The following VIPR2 variants were observed in gnomAD, a reference collection of about 807,000 sequenced individuals.
VIPR2 encodes the protein vasoactive intestinal peptide receptor 2, also known as vasoactive intestinal polypeptide receptor 2.
In VIPR2, 48 loss-of-function variants were observed where a neutral mutation model predicts 58.0. The observed-to-expected ratio is 0.83, with a 90% CI of 0.66 to 1.05. The LOEUF is 1.05. VIPR2 is among the 50% of genes least tolerant of loss of function. The probability of loss-of-function intolerance (pLI) is 0.00; values close to 1 mark genes in which losing one functional copy is unlikely to be tolerated. For missense variants in VIPR2, 534 were observed against 558.0 expected (o/e 0.96, Z 0.43); for synonymous variants, 243 against 235.2 (o/e 1.03, Z -0.30).
At chr7:159,091,309 G>A (rs185425593) in intron 4 of VIPR2, among the ~76,000 whole-genome samples, 275 of 152,336 alleles carry the variant, frequency 1.8e-3, no homozygotes, top group African/African-American at 6.2e-3. Flanking sequence ...ATGAGTCTGC[G>A]GCTGCCCCTT....
intron 4 of VIPR2, among the ~76,000 whole-genome samples, chr7:159,100,880 A>G (rs1438096984): frequency 6.7e-6 from 1 of 149,802 alleles, no homozygotes; most frequent in Non-Finnish European, 1.5e-5. Context: ...AATGGGTCTC[A>G]CGAGATCCGA....
intron 10 of VIPR2, among the ~76,000 whole-genome samples, chr7:159,032,502 G>T (rs369134048): frequency 6.6e-6 from 1 of 152,176 alleles, no homozygotes; most frequent in East Asian, 1.9e-4. Context: ...TCCTGCTCCC[G>T]GACCTGCAGC....
At chr7:159,046,022 C>A (rs1854628087) in intron 5 of VIPR2, among the ~76,000 whole-genome samples, 1 of 151,882 alleles carries the variant, frequency 6.6e-6, no homozygotes, top group African/African-American at 2.4e-5. Flanking sequence ...GACTTCATTG[C>A]ATACCACTAG....
chr7:159,041,230 C>T (rs955386288), intron 6 of VIPR2, among the ~76,000 whole-genome samples: 12 of 152,238 alleles, frequency 7.9e-5, no homozygotes, highest in Admixed American at 3.3e-4. Flanking sequence ...GGAGGCCAGG[C>T]CCTCCCGGTG....
Position 159,078,577 on chromosome 7 carries a change from G to A in VIPR2, c.358-19999C>T, listed in dbSNP as rs35039662. Reference sequence around the variant, plus strand: ...TTAGTTTATTGGAAAAGATGCCAACGAAAGTCTGCATTTGAGTCTTGTTGG... The same window carrying A: ...TTAGTTTATTGGAAAAGATGCCAACAAAAGTCTGCATTTGAGTCTTGTTGG... On this transcript the variant is annotated intron_variant, in intron 4 of 12. Coordinates refer to ENST00000262178, the MANE Select transcript of VIPR2 (RefSeq NM_003382.5). 1.0e-3 allele frequency among the ~76,000 whole-genome samples: 158 copies of A among 152,296 alleles called. 1 individual carries two copies. The highest frequency in any genetic ancestry group is 1.7e-3 in the Admixed American group (26 of 15,292).
intron 5 of VIPR2, among the ~76,000 whole-genome samples, chr7:159,054,767 T>C (rs530582666): frequency 6.6e-6 from 1 of 152,312 alleles, no homozygotes; most frequent in East Asian, 1.9e-4. Flanking sequence ...CATTTTTTAA[T>C]AAATTTATTT....
chr7:159,037,988 A>T (rs916983775), intron 6 of VIPR2, among the ~76,000 whole-genome samples: 5 of 152,228 alleles, frequency 3.3e-5, no homozygotes, highest in African/African-American at 1.2e-4. Context: ...GTATGGGTGG[A>T]TATACTACCT....
rs1398923094 is a variant in VIPR2, at chr7:159,095,294, T to C, written c.357+8463A>G. The stretch of plus-strand genomic sequence containing the variant: ...CTGCTTTTAGGGGATTCCTAACATT[T>C]AAGGGGTGAAAAGGCGTGTGTGCAA... On this transcript the variant is annotated intron_variant, in intron 4 of 12. Coordinates refer to ENST00000262178, the MANE Select transcript of VIPR2 (RefSeq NM_003382.5). This position sits in a 1 kb window ranked among gnomAD's most constrained non-coding sequence, Gnocchi z 5.2. Among the ~76,000 whole-genome samples the C allele has an allele frequency of 1.3e-5, 2 of 152,158 alleles. No individual in the cohort carries two copies. Among genetic ancestry groups the C allele is most frequent in the Non-Finnish European group, 2.9e-5 (2 of 68,036 alleles).
chr7:159,096,729 G>A lies in VIPR2; in HGVS notation c.357+7028C>T. ...CTCATAATCCTGTCTGGTTGTGCCAGGTGACAGCTGAATGATTTCTGCCTG... is the reference window on the plus strand; with the variant it reads ...CTCATAATCCTGTCTGGTTGTGCCAAGTGACAGCTGAATGATTTCTGCCTG... On this transcript the variant is annotated intron_variant, in intron 4 of 12. Transcript: ENST00000262178. The surrounding 1 kb of genome is among the most constrained non-coding windows in gnomAD (Gnocchi z 5.5). 2 of 1,385,420 alleles carry A rather than the reference G, an allele frequency of 1.4e-6. No homozygotes were observed. Among genetic ancestry groups the A allele is most frequent in the South Asian group, 3.5e-5 (2 of 56,422 alleles). 85.8% of individuals were successfully genotyped at this position (1,385,420 alleles called of 1,614,324 possible). A position where few individuals can be genotyped will look rare whatever the true frequency, so the allele number is the denominator to read the frequency against.
intron 5 of VIPR2, among the ~76,000 whole-genome samples, chr7:159,045,175 A>G (rs1854572124): frequency 6.6e-6 from 1 of 152,188 alleles, no homozygotes. Flanking sequence ...AGGAAAATGA[A>G]GAGAGCCCAA....
At chr7:159,067,959 G>A (rs1173865755) in intron 4 of VIPR2, among the ~76,000 whole-genome samples, 1 of 152,246 alleles carries the variant, frequency 6.6e-6, no homozygotes, top group African/African-American at 2.4e-5. Context: ...TGCGGGGGCC[G>A]CTAGCCCCTC....
chr7:159,118,527 G>T (rs1268596291), intron 2 of VIPR2, among the ~76,000 whole-genome samples: 1 of 152,172 alleles, frequency 6.6e-6, no homozygotes, highest in Admixed American at 6.5e-5. Context: ...AGTGCTTCCA[G>T]GTTCAGTGGG....
At position 159,031,573 on chromosome 7, in the gene VIPR2, G is replaced by A; in HGVS notation, c.1143+255C>T. ...ACCCGGCCGGGAGCTTTCCCGAGAG[G>A]GCTCCGAGACGGACGGCAGTCGATG... On this transcript the variant is annotated intron_variant, in intron 12 of 12. Coordinates refer to ENST00000262178, the MANE Select transcript of VIPR2 (RefSeq NM_003382.5). The surrounding 1 kb of genome is among the most constrained non-coding windows in gnomAD (Gnocchi z 4.0). The A allele has an allele frequency of 2.0e-6, 2 of 985,414 alleles. No individual in the cohort carries two copies. The highest frequency in any genetic ancestry group is 3.5e-5 in the African/African-American group (2 of 57,358). The allele number at this position is 985,414 out of a possible 1,614,324, so 61.0% of individuals were successfully genotyped here. A position where few individuals can be genotyped will look rare whatever the true frequency, so the allele number is the denominator to read the frequency against.
Position 159,095,989 on chromosome 7 carries a change from G to T in VIPR2, c.357+7768C>A, listed in dbSNP as rs1857813729. ...TGTATGATCTGGAGGCTCCCCGGGG[G>T]CTCCTGGCAACAAGCTGCAGGACGC... On this transcript the variant is annotated intron_variant, in intron 4 of 12. Coordinates refer to ENST00000262178, the MANE Select transcript of VIPR2 (RefSeq NM_003382.5). This position sits in a 1 kb window ranked among gnomAD's most constrained non-coding sequence, Gnocchi z 5.2. Among the ~76,000 whole-genome samples the T allele has an allele frequency of 6.6e-6, 1 of 152,202 alleles. No homozygotes were observed. Among genetic ancestry groups the T allele is most frequent in the South Asian group, 2.1e-4 (1 of 4,818 alleles).
intron 4 of VIPR2, among the ~76,000 whole-genome samples, chr7:159,063,825 CGGGGGTCCTGGTGGGGTCT>C (rs1395018956): frequency 4.3e-5 from 1 of 23,340 alleles, no homozygotes; most frequent in African/African-American, 3.0e-4. Context: ...TGGTGGGGTC[CGGGGGTCCTGGTGGGGTCT>C]GGGGGGCCTG....
intron 2 of VIPR2, among the ~76,000 whole-genome samples, chr7:159,118,551 T>G (rs1336926609): frequency 2.0e-5 from 3 of 152,090 alleles, no homozygotes; most frequent in Non-Finnish European, 4.4e-5. Context: ...TTACGGTGAA[T>G]GAGACGGAGG....
At chr7:159,091,537 CCTTG>C (rs1276498444) in intron 4 of VIPR2, among the ~76,000 whole-genome samples, 1 of 152,234 alleles carries the variant, frequency 6.6e-6, no homozygotes, top group African/African-American at 2.4e-5. Flanking sequence ...CTGCAGCCCT[CCTTG>C]CCTGCTTTGC....
In VIPR2 at chr7:159,117,263, C is replaced by T. The variant is rs947770455; in HGVS notation, c.152-7344G>A. 3 of 715,246 alleles carry T rather than the reference C, an allele frequency of 4.2e-6. No individual in the cohort carries two copies. The African/African-American group carries it at 5.2e-5, about 12-fold the overall frequency. The allele number at this position is 715,246 out of a possible 1,614,324, so 44.3% of individuals were successfully genotyped here. A position where few individuals can be genotyped will look rare whatever the true frequency, so the allele number is the denominator to read the frequency against. ...GGACTTGCTTTATCACCAGTGTATA[C>T]CACACACGAGGCTTCCTGTGACTTA... is the stretch of plus-strand genomic sequence containing the variant. On this transcript the variant is annotated intron_variant, in intron 2 of 12. Coordinates refer to ENST00000262178, the MANE Select transcript of VIPR2 (RefSeq NM_003382.5).
chr7:159,038,239 G>C (rs1002440946), intron 6 of VIPR2, among the ~76,000 whole-genome samples: 24 of 152,164 alleles, frequency 1.6e-4, no homozygotes, highest in African/African-American at 5.8e-4. Context: ...AGGCGGCCCC[G>C]ACCTCCCCAG....
Sources: allele counts gnomAD v4.1 joint callset (sites outside exome capture counted in the v4.1 genomes callset), GRCh38; gene constraint gnomAD v4.1.1; non-coding constraint Gnocchi (gnomAD v3.1); transcripts MANE v1.5; gene names NCBI Gene and HGNC (gene_info 2026-07-23, HGNC 2026-07-21).